The following LMNB1 variants were observed in gnomAD, a reference collection of about 807,000 sequenced individuals.
LMNB1 encodes lamin B1.
Under a neutral mutation model 67.1 loss-of-function variants are expected in LMNB1, and 23 were observed. That is an observed-to-expected ratio of 0.34 (90% CI 0.25 to 0.49). The LOEUF (loss-of-function observed/expected upper bound fraction) is 0.49. Among genes scored for constraint, LMNB1 ranks in the 20% least tolerant of loss-of-function variants. The probability of loss-of-function intolerance (pLI) is 0.99; values close to 1 mark genes in which losing one functional copy is unlikely to be tolerated. For missense variants in LMNB1, 634 were observed against 746.5 expected, an observed-to-expected ratio of 0.85 and a Z score of 1.76; for synonymous variants, 281 against 282.9, an observed-to-expected ratio of 0.99 and a Z score of 0.07.
intron 5 of LMNB1, among the ~76,000 whole-genome samples, chr5:126,813,788 A>G (rs1331829479): frequency 6.6e-6 from 1 of 152,158 alleles, no homozygotes; most frequent in African/African-American, 2.4e-5. Context: ...TCTAATTACC[A>G]CTCAAAGGCC....
At chr5:126,812,803 T>C (rs1751612127) in intron 5 of LMNB1, among the ~76,000 whole-genome samples, 1 of 147,966 alleles carries the variant, frequency 6.8e-6, no homozygotes, top group Non-Finnish European at 1.5e-5. Flanking sequence ...CGATCTCGGC[T>C]CACTGTGAGC....
chr5:126,832,378 G>A (rs1220353522), intron 9 of LMNB1, among the ~76,000 whole-genome samples: 2 of 151,426 alleles, frequency 1.3e-5, no homozygotes, highest in Admixed American at 6.6e-5. Context: ...GCGTGATCTC[G>A]GCTCACTGCA....
At chr5:126,785,751 T>G (rs944427365) in intron 1 of LMNB1, among the ~76,000 whole-genome samples, 2 of 152,048 alleles carry the variant, frequency 1.3e-5, no homozygotes, top group African/African-American at 4.8e-5. Context: ...CAGCGGCTCA[T>G]GCCTGCAATC....
intron 1 of LMNB1, among the ~76,000 whole-genome samples, chr5:126,787,546 A>ATTTTTT (rs142332901): frequency 1.8e-4 from 12 of 65,568 alleles, no homozygotes; most frequent in Non-Finnish European, 2.2e-4. Flanking sequence ...ATATATATAT[A>ATTTTTT]TTTTTTTTTT....
At chr5:126,800,982 A>ATATATATTATTTTTTTTT in intron 1 of LMNB1, among the ~76,000 whole-genome samples, 1 of 18,632 alleles carries the variant, frequency 5.4e-5, no homozygotes, top group Non-Finnish European at 1.0e-4. Flanking sequence ...TATATATATA[A>ATATATATTATTTTTTTTT]TTTTTTTTTT....
intron 1 of LMNB1, among the ~76,000 whole-genome samples, chr5:126,780,322 C>T (rs1750596842): frequency 6.6e-6 from 1 of 152,108 alleles, no homozygotes; most frequent in Non-Finnish European, 1.5e-5. Context: ...GGAGCTATAT[C>T]CCAGCAAGTA....
At chr5:126,804,993 C>T (rs1230809190) in intron 2 of LMNB1, 61 bp downstream of exon 2, 19 of 1,346,614 alleles carry the variant, frequency 1.4e-5, no homozygotes, top group Non-Finnish European at 1.9e-5. Context: ...CTGCCTTAAG[C>T]CATAGTTTGA....
intron 1 of LMNB1, among the ~76,000 whole-genome samples, chr5:126,779,459 T>C (rs75222840): frequency 0.021 from 3,162 of 152,352 alleles, 51 homozygotes; most frequent in Middle Eastern, 0.054. Flanking sequence ...CCAAATTTTT[T>C]GCCACTGAAT....
intron 5 of LMNB1, among the ~76,000 whole-genome samples, chr5:126,816,492 C>T (rs1259929654): frequency 6.6e-6 from 1 of 152,152 alleles, no homozygotes; most frequent in Non-Finnish European, 1.5e-5. Flanking sequence ...TTTCCTCTCA[C>T]CCATTTTCCC....
At chr5:126,827,448 G>T (rs1005485995) in intron 9 of LMNB1, among the ~76,000 whole-genome samples, 1 of 152,168 alleles carries the variant, frequency 6.6e-6, no homozygotes, top group African/African-American at 2.4e-5. Flanking sequence ...ATCACCTGAG[G>T]TCAGGAGTTA....
intron 1 of LMNB1, among the ~76,000 whole-genome samples, chr5:126,796,812 A>G (rs1269771504): frequency 8.9e-6 from 1 of 112,152 alleles, no homozygotes; most frequent in African/African-American, 3.5e-5. Context: ...TTTTTGAGAT[A>G]GAGCTTCGCT....
intron 1 of LMNB1, among the ~76,000 whole-genome samples, chr5:126,794,345 G>A (rs1483853364): frequency 6.6e-6 from 1 of 152,244 alleles, no homozygotes; most frequent in East Asian, 1.9e-4. Context: ...CATGAGGACA[G>A]TGTTGAAGCT....
rs558261171 is a variant in LMNB1 at position 126,800,881 on chromosome 5, A to G, written c.360-3895A>G. On this transcript the variant is annotated intron_variant, in intron 1 of 10. Coordinates refer to ENST00000261366, the MANE Select transcript of LMNB1 (RefSeq NM_005573.4). ...TGGTCAGGCTGGTCTTGACCTCCCA[A>G]CCTCAGGTGATCCGCTTGCCTCGGC... Among the ~76,000 whole-genome samples, 14 of 131,788 alleles carry G rather than the reference A, an allele frequency of 1.1e-4. 1 individual carries two copies. In the East Asian group the frequency reaches 3.1e-3, roughly 29 times the overall value. The allele number at this position is 131,788 out of a possible 152,430, so 86.5% of individuals were successfully genotyped here.
At chr5:126,778,665 C>T (rs1273979135) in intron 1 of LMNB1, among the ~76,000 whole-genome samples, 1 of 152,138 alleles carries the variant, frequency 6.6e-6, no homozygotes, top group Non-Finnish European at 1.5e-5. Flanking sequence ...GTCACGGCTA[C>T]CGTTCTTAGA....
At position 126,836,535 on chromosome 5, in the gene LMNB1, T is replaced by C. The variant is rs1348208749; in HGVS notation, c.*271T>C. The C allele has an allele frequency of 2.7e-6, 1 of 363,652 alleles. No homozygotes were observed. The highest frequency in any genetic ancestry group is 4.9e-6 in the Non-Finnish European group (1 of 205,930). The allele number at this position is 363,652 out of a possible 1,614,324, so 22.5% of individuals were successfully genotyped here. A position where few individuals can be genotyped will look rare whatever the true frequency, so the allele number is the denominator to read the frequency against. ...GGTTCCTCAAATTTTTTGACTTTTT[T>C]TGTATGTGTGTTTTTTCTTTTTTTT... On this transcript the variant is annotated 3_prime_UTR_variant, in exon 11 of 11. Coordinates refer to ENST00000261366, the MANE Select transcript of LMNB1 (RefSeq NM_005573.4).
chr5:126,781,145 C>T (rs368114110), intron 1 of LMNB1, among the ~76,000 whole-genome samples: 44 of 152,200 alleles, frequency 2.9e-4, no homozygotes, highest in Admixed American at 2.3e-3. Context: ...ACAAATTAGC[C>T]GCGTGTGGTA....
chr5:126,795,792 T>C (rs1312034471), intron 1 of LMNB1, among the ~76,000 whole-genome samples: 3 of 150,342 alleles, frequency 2.0e-5, no homozygotes, highest in Non-Finnish European at 4.4e-5. Context: ...ACCTGGCTAA[T>C]TTTTTTGTAT....
At chr5:126,787,520 G>C (rs1417182153) in intron 1 of LMNB1, among the ~76,000 whole-genome samples, 1 of 98,386 alleles carries the variant, frequency 1.0e-5, no homozygotes, top group Non-Finnish European at 2.1e-5. Flanking sequence ...GTGTGTGTGT[G>C]GGGGTATATA....
rs538995287 is a variant in LMNB1, at chr5:126,799,623, C to A, written c.360-5153C>A. 2.0e-5 allele frequency among the ~76,000 whole-genome samples: 3 copies of A among 152,300 alleles called. No homozygotes were observed. The South Asian group carries it at 6.2e-4, about 32-fold the overall frequency. On this transcript the variant is annotated intron_variant, in intron 1 of 10. Coordinates refer to ENST00000261366, the MANE Select transcript of LMNB1 (RefSeq NM_005573.4). ...AGAAGAAGGAAGGGAATACTAAAAACGCACTTAGTTGGGACCCTGTCTTAT... is the reference window on the plus strand; with the variant it reads ...AGAAGAAGGAAGGGAATACTAAAAAAGCACTTAGTTGGGACCCTGTCTTAT...
Sources: allele counts gnomAD v4.1 joint callset (sites outside exome capture counted in the v4.1 genomes callset), GRCh38; gene constraint gnomAD v4.1.1; transcripts MANE v1.5; gene names NCBI Gene and HGNC (gene_info 2026-07-23, HGNC 2026-07-21).